DHRS12: variants seen among roughly 807,000 people sequenced by gnomAD.
The protein encoded by DHRS12 is dehydrogenase/reductase 12.
In DHRS12, 29 loss-of-function variants were observed where a neutral mutation model predicts 32.1. The ratio of observed to expected loss-of-function variants is 0.90; its 90% CI spans 0.67 to 1.23. The LOEUF is 1.23. DHRS12 is among the 50% of genes most tolerant of loss of function. The pLI is 0.00. For missense variants in DHRS12, 330 were observed against 337.2 expected (o/e 0.98, Z 0.17); for synonymous variants, 150 against 135.9 (o/e 1.10, Z -0.72).
At chr13:51,767,179 T>C (rs554719888), downstream of DHRS12, 85 of 152,416 alleles carry the variant, frequency 5.6e-4, no homozygotes, top group African/African-American at 2.0e-3. Context: ...GTGACCTGCA[T>C]GCTATGGAAT....
chr13:51,767,945 T>C, downstream of DHRS12: 1 of 1,302,506 alleles, frequency 7.7e-7, no homozygotes, highest in Non-Finnish European at 9.8e-7. Flanking sequence ...TAGAAAACCA[T>C]TCTCGAATAA....
the DHRS12 span, among the ~76,000 whole-genome samples, chr13:51,759,343 A>G: frequency 9.9e-5 from 15 of 151,934 alleles, no homozygotes; most frequent in Admixed American, 2.6e-4. Context: ...GATTCAATCT[A>G]TTTGGAGGGT....
chr13:51,789,362 G>A (rs919663929), intron 4 of DHRS12, among the ~76,000 whole-genome samples: 4 of 152,184 alleles, frequency 2.6e-5, no homozygotes, highest in Admixed American at 6.5e-5. Context: ...TAGTACATTA[G>A]CTCTCAATCT....
At chr13:51,790,646 TG>T (rs1955223916) in intron 3 of DHRS12, among the ~76,000 whole-genome samples, 1 of 152,160 alleles carries the variant, frequency 6.6e-6, no homozygotes, top group African/African-American at 2.4e-5. Flanking sequence ...TTCCAGACTC[TG>T]GAACAACGTT....
At chr13:51,785,306 T>C (rs930161424) in intron 4 of DHRS12, among the ~76,000 whole-genome samples, 3 of 152,266 alleles carry the variant, frequency 2.0e-5, no homozygotes, top group Middle Eastern at 3.4e-3. Flanking sequence ...AGTTAACATA[T>C]TAAATTCAGG....
the DHRS12 span, chr13:51,759,677 T>G: frequency 6.4e-7 from 1 of 1,556,424 alleles, no homozygotes; most frequent in Non-Finnish European, 8.8e-7. Context: ...AGAATTCAGT[T>G]CTAAGGACTG....
chr13:51,767,779 G>GC (rs1369875762), downstream of DHRS12: 2 of 42,424 alleles, frequency 4.7e-5, 1 homozygote, highest in African/African-American at 2.0e-4. Flanking sequence ...CCTCTCCTGG[G>GC]GCGGGGGGGG....
At chr13:51,786,243 T>C (rs146158682) in intron 4 of DHRS12, among the ~76,000 whole-genome samples, 22 of 152,322 alleles carry the variant, frequency 1.4e-4, no homozygotes, top group African/African-American at 5.3e-4. Flanking sequence ...GCTGTCCTGG[T>C]GGAGATAGAA....
chr13:51,783,140 C>T (rs1954797557), intron 4 of DHRS12, among the ~76,000 whole-genome samples: 1 of 152,166 alleles, frequency 6.6e-6, no homozygotes. Context: ...GAAAAATGAT[C>T]TCTGACTTCT....
At chr13:51,793,249 A>G (rs1320181237) in intron 2 of DHRS12, among the ~76,000 whole-genome samples, 4 of 152,156 alleles carry the variant, frequency 2.6e-5, no homozygotes, top group African/African-American at 9.7e-5. Flanking sequence ...TTAGCATCCA[A>G]TGAATGCAAC....
chr13:51,788,552 C>G (rs553274429), intron 4 of DHRS12, among the ~76,000 whole-genome samples: 1 of 152,152 alleles, frequency 6.6e-6, no homozygotes, highest in East Asian at 1.9e-4. Flanking sequence ...CACGTTTCCA[C>G]AGTAAATTTA....
At chr13:51,796,146 G>A (rs1343943898) in intron 2 of DHRS12, among the ~76,000 whole-genome samples, 1 of 152,212 alleles carries the variant, frequency 6.6e-6, no homozygotes, top group African/African-American at 2.4e-5. Flanking sequence ...GCCAGAAAGT[G>A]CAAAACCAGG....
intron 5 of DHRS12, among the ~76,000 whole-genome samples, chr13:51,776,678 C>A (rs1397659128): frequency 6.6e-6 from 1 of 152,178 alleles, no homozygotes; most frequent in Admixed American, 6.5e-5. Flanking sequence ...ATATTTCAAC[C>A]CGCTGGGGGA....
In DHRS12 at chr13:51,769,250, G is replaced by A. The variant is rs575301482; in HGVS notation, c.603C>T (p.Asp201=). Residue 201 remains aspartate, a synonymous_variant, in exon 8 of 9, where the codon GAC becomes GAT. Coordinates refer to ENST00000444610, the MANE Select transcript of DHRS12 (RefSeq NM_001377533.1). ...AMPGFHARFG[D]RLRSEAQGAD... is the part of the protein sequence containing the mutation. ...CGCCCTGGGCCTCGGAGCGCAGGCG[G>A]TCCCCGAACCTGGCGTGGAACCCCG... The A allele has an allele frequency of 5.0e-6, 8 of 1,590,902 alleles. No homozygotes were observed. In the South Asian group the frequency reaches 9.1e-5, roughly 18 times the overall value.
chr13:51,781,976 G>A (rs769165802), intron 4 of DHRS12, among the ~76,000 whole-genome samples: 1 of 152,156 alleles, frequency 6.6e-6, no homozygotes, highest in Non-Finnish European at 1.5e-5. Flanking sequence ...CAGAGTGGTC[G>A]CAGTGGAGCT....
At chr13:51,769,135 C>A (rs1174206900) in intron 8 of DHRS12, 21 bp downstream of exon 8, 2 of 1,548,626 alleles carry the variant, frequency 1.3e-6, no homozygotes, top group East Asian at 2.4e-5. Context: ...CAGCTGCCTT[C>A]ACAGCCAGGG....
At chr13:51,799,744 C>A in intron 1 of DHRS12, 77 bp from the exon 2 acceptor site, 4 of 1,540,798 alleles carry the variant, frequency 2.6e-6, no homozygotes, top group Non-Finnish European at 3.5e-6. Flanking sequence ...AAGCCTAATT[C>A]TAGGATGGGC....
intron 2 of DHRS12, among the ~76,000 whole-genome samples, chr13:51,798,703 A>G (rs1051374745): frequency 6.6e-6 from 1 of 150,500 alleles, no homozygotes; most frequent in African/African-American, 2.5e-5. Flanking sequence ...GTCCCCTGAA[A>G]AATGCCTAAC....
chr13:51,767,982 T>C, downstream of DHRS12: 1 of 1,376,742 alleles, frequency 7.3e-7, no homozygotes, highest in Non-Finnish European at 9.4e-7. Flanking sequence ...GAAAAGAACC[T>C]GCTGCAGGAG....
Sources: allele counts gnomAD v4.1 joint callset (sites outside exome capture counted in the v4.1 genomes callset), GRCh38; gene constraint gnomAD v4.1.1; transcripts MANE v1.5; gene names NCBI Gene and HGNC (gene_info 2026-07-23, HGNC 2026-07-21).